The following EDEM3 variants were observed in gnomAD, a reference collection of about 807,000 sequenced individuals.
The protein encoded by EDEM3 is ER degradation enhancing alpha-mannosidase like protein 3, also known as ER degradation-enhancing alpha-mannosidase-like protein 3.
A neutral mutation model predicts 110.2 loss-of-function variants in EDEM3; 60 were observed. The observed-to-expected ratio is 0.54, with a 90% CI of 0.44 to 0.67. EDEM3 has a LOEUF of 0.67. EDEM3 is among the 30% of genes least tolerant of loss of function. EDEM3 has a pLI of 0.00. For missense variants in EDEM3, 996 were observed against 1,121.0 expected (o/e 0.89, Z 1.59); for synonymous variants, 352 against 382.9 (o/e 0.92, Z 0.94).
intron 17 of EDEM3, among the ~76,000 whole-genome samples, chr1:184,707,103 G>A (rs1434321764): frequency 6.6e-6 from 1 of 152,026 alleles, no homozygotes; most frequent in Non-Finnish European, 1.5e-5. Context: ...TTTCACATAT[G>A]GGGAAATTGA....
intron 6 of EDEM3, among the ~76,000 whole-genome samples, chr1:184,729,544 C>T (rs138634769): frequency 1.3e-5 from 2 of 152,192 alleles, no homozygotes; most frequent in East Asian, 1.9e-4. Flanking sequence ...TAAAAAATGA[C>T]CAACTCTTAC....
intron 18 of EDEM3, among the ~76,000 whole-genome samples, chr1:184,704,649 CAAAAAAAAAAAAAAAAAA>C (rs58913815): frequency 3.3e-5 from 1 of 29,904 alleles, no homozygotes; most frequent in Non-Finnish European, 6.3e-5. Context: ...GACTCTGTCT[CAAAAAAAAAAAAAAAAAA>C]AAAAAAAAAA....
chr1:184,696,518 A>G (rs557364849), intron 19 of EDEM3, among the ~76,000 whole-genome samples: 1 of 151,718 alleles, frequency 6.6e-6, no homozygotes, highest in African/African-American at 2.4e-5. Context: ...TACAATGCAT[A>G]TATGTTCACC....
intron 2 of EDEM3, among the ~76,000 whole-genome samples, chr1:184,747,448 A>T (rs958060930): frequency 4.7e-4 from 72 of 152,354 alleles, no homozygotes; most frequent in African/African-American, 1.7e-3. Context: ...GAACTGTGTC[A>T]TGTTAGTTGA....
At chr1:184,713,261 C>A (rs991483768) in intron 13 of EDEM3, among the ~76,000 whole-genome samples, 11 of 150,922 alleles carry the variant, frequency 7.3e-5, no homozygotes, top group African/African-American at 2.7e-4. Context: ...AGCAAGACTC[C>A]GACTCAAAAA....
chr1:184,724,415 C>T (rs1161419225), intron 7 of EDEM3, among the ~76,000 whole-genome samples: 1 of 152,092 alleles, frequency 6.6e-6, no homozygotes, highest in African/African-American at 2.4e-5. Context: ...TTGATAACAA[C>T]AAACTTGTAA....
rs34268021 is a variant in EDEM3, at chr1:184,720,509, C to CTTT, written c.951+777_951+779dup. The CTTT allele has an allele frequency of 4.7e-5, 6 of 127,458 alleles. 1 individual carries two copies. The highest frequency in any genetic ancestry group is 1.3e-4 in the African/African-American group (4 of 31,684). The allele number at this position is 127,458 out of a possible 1,614,324, so 7.9% of individuals were successfully genotyped here. ...AATTTAAACCAGTACATCTCCCATACTTTTTTTTTTTTTTTTTTGAGACGG... is the reference window on the plus strand; with the variant it reads ...AATTTAAACCAGTACATCTCCCATACTTTTTTTTTTTTTTTTTTTTTGAGACGG... On this transcript the variant is annotated intron_variant, in intron 9 of 19. Transcript: ENST00000318130.
At chr1:184,732,538 G>A (rs959639820) in intron 6 of EDEM3, among the ~76,000 whole-genome samples, 1 of 152,100 alleles carries the variant, frequency 6.6e-6, no homozygotes, top group Non-Finnish European at 1.5e-5. Context: ...ACCCTGATGT[G>A]ATTATTATGC....
chr1:184,749,430 TA>T, intron 2 of EDEM3, 116 bp downstream of exon 2: 1 of 842,112 alleles, frequency 1.2e-6, no homozygotes, highest in Admixed American at 3.5e-5. Context: ...CCCTGTTTTT[TA>T]AAAACTTCCT....
At chr1:184,742,356 G>A (rs559204427) in intron 2 of EDEM3, among the ~76,000 whole-genome samples, 2 of 152,178 alleles carry the variant, frequency 1.3e-5, no homozygotes, top group African/African-American at 4.8e-5. Flanking sequence ...TCAATACCAT[G>A]TAATTTTAAT....
intron 19 of EDEM3, chr1:184,701,588 A>G: frequency 1.6e-6 from 2 of 1,224,980 alleles, no homozygotes; most frequent in African/African-American, 1.6e-5. Context: ...AAAAAAGCAA[A>G]TGCATTAAAG....
chr1:184,737,542 A>T (rs900853927), intron 3 of EDEM3, 69 bp downstream of exon 3: 4 of 1,438,942 alleles, frequency 2.8e-6, no homozygotes, highest in East Asian at 2.3e-5. Context: ...TATTATATGT[A>T]AACTGTCTGT....
intron 2 of EDEM3, among the ~76,000 whole-genome samples, chr1:184,743,757 TAC>T (rs1652267390): frequency 6.6e-6 from 1 of 152,110 alleles, no homozygotes; most frequent in South Asian, 2.1e-4. Flanking sequence ...CAAAACAAAA[TAC>T]AGAGTCTAGA....
At chr1:184,703,360 A>G (rs1022357638) in intron 18 of EDEM3, among the ~76,000 whole-genome samples, 5 of 152,218 alleles carry the variant, frequency 3.3e-5, no homozygotes, top group Admixed American at 3.3e-4. Context: ...ATGCTTATGG[A>G]AAAGCCTAGA....
intron 8 of EDEM3, among the ~76,000 whole-genome samples, chr1:184,722,929 T>A (rs1650981821): frequency 6.6e-6 from 1 of 151,970 alleles, no homozygotes; most frequent in African/African-American, 2.4e-5. Flanking sequence ...CATATAACAT[T>A]GTTACATGTT....
chr1:184,694,082 A>T lies in EDEM3; in HGVS notation c.2780T>A (p.Met927Lys). Residue 927 changes from methionine (M) to lysine (K), a missense_variant, in exon 20 of 20, where the codon ATG becomes AAG. Physicochemically the swap from Met to Lys is moderately conservative, Grantham distance 95. Coordinates refer to ENST00000318130, the MANE Select transcript of EDEM3 (RefSeq NM_025191.4). ...WNEDIEAFEM[M>K]EKDEL ...AGCAAGTCATAGCTCATCCTTCTCC[A>T]TCATTTCAAATGCTTCTATATCTTC... 6.2e-7 allele frequency: 1 copy of T among 1,612,454 alleles called. No individual in the cohort carries two copies. The highest frequency in any genetic ancestry group is 8.5e-7 in the Non-Finnish European group (1 of 1,179,102).
rs757963131 is a variant in EDEM3, at chr1:184,749,506, A to G, written c.204+41T>C. 3.6e-6 allele frequency: 5 copies of G among 1,404,362 alleles called. No homozygotes were observed. The African/African-American group carries it at 7.3e-5, about 21-fold the overall frequency. The allele number at this position is 1,404,362 out of a possible 1,614,324, so 87.0% of individuals were successfully genotyped here. A position where few individuals can be genotyped will look rare whatever the true frequency, so the allele number is the denominator to read the frequency against. On this transcript the variant is annotated intron_variant, in intron 2 of 19. Coordinates refer to ENST00000318130, the MANE Select transcript of EDEM3 (RefSeq NM_025191.4). The stretch of plus-strand genomic sequence containing the variant: ...AGTTGACTGTGCTCACATAATAATC[A>G]ACTCACATAAATGGTAGGTAAAGAT...
intron 13 of EDEM3, 107 bp downstream of exon 13, chr1:184,716,781 T>G: frequency 1.4e-6 from 2 of 1,434,668 alleles, no homozygotes; most frequent in Non-Finnish European, 1.9e-6. Flanking sequence ...AACAAAGGTT[T>G]CTATCCTTTG....
In EDEM3 at chr1:184,737,593, C is replaced by A. The variant is rs771505461; in HGVS notation, c.305+18G>T. 1 of 1,611,616 alleles carries A rather than the reference C, an allele frequency of 6.2e-7. No homozygotes were observed. Among genetic ancestry groups the A allele is most frequent in the Non-Finnish European group, 8.5e-7 (1 of 1,178,022 alleles). ...GGGAACTCTGAGATGCCATGCCATG[C>A]CCTGTGTTAATACTCACTTTCCCAA... On this transcript the variant is annotated intron_variant, in intron 3 of 19. Transcript: ENST00000318130.
Sources: gnomAD v4.1 joint callset for allele counts (sites outside exome capture counted in the v4.1 genomes callset) on GRCh38, gnomAD v4.1.1 for gene constraint, MANE v1.5 for transcripts, NCBI Gene and HGNC (gene_info 2026-07-23, HGNC 2026-07-21) for gene names.